CTCFL: variants seen among roughly 807,000 people sequenced by gnomAD.
CTCFL encodes CCCTC-binding factor like, also known as transcriptional repressor CTCFL.
CTCFL carries 36 observed loss-of-function variants against 67.4 expected under a neutral mutation model. The ratio of observed to expected loss-of-function variants is 0.53; its 90% CI spans 0.41 to 0.71. The LOEUF is 0.71. Ranked by LOEUF, CTCFL falls within the 30% of genes least tolerant of loss-of-function variation. The pLI is 0.00. For synonymous variants in CTCFL, 324 were observed against 302.3 expected (o/e 1.07, Z -0.75); for missense variants, 786 against 835.2 (o/e 0.94, Z 0.73).
intron 5 of CTCFL, among the ~76,000 whole-genome samples, chr20:57,517,194 T>C (rs2068988738): frequency 6.6e-6 from 1 of 151,432 alleles, no homozygotes; most frequent in Non-Finnish European, 1.5e-5. Flanking sequence ...TTGAGGAGGA[T>C]AAGTGGTGTG....
At chr20:57,507,458 G>A (rs1030106988) in intron 9 of CTCFL, 53 of 643,880 alleles carry the variant, frequency 8.2e-5, no homozygotes, top group Admixed American at 1.9e-4. Context: ...TTGGCCTCCC[G>A]AAGTACTGGG....
chr20:57,524,810 C>A lies in CTCFL; in HGVS notation c.-12+218G>T, dbSNP rs889247691. 2.0e-5 allele frequency: 19 copies of A among 961,082 alleles called. No individual in the cohort carries two copies. In the East Asian group the frequency reaches 1.5e-3, roughly 74 times the overall value. 59.5% of individuals were successfully genotyped at this position (961,082 alleles called of 1,614,324 possible). The stretch of plus-strand genomic sequence containing the variant: ...AGCCCACCCAGACTTGGCCAAGCAG[C>A]CCTCGGCCAGACCAAGCACACTCCC... On this transcript the variant is annotated intron_variant, in intron 1 of 10. Coordinates refer to ENST00000243914, the MANE Select transcript of CTCFL (RefSeq NM_001386993.1).
intron 9 of CTCFL, 84 bp from the exon 10 acceptor site, chr20:57,503,685 T>A (rs767101221): frequency 1.9e-5 from 28 of 1,454,282 alleles, no homozygotes; most frequent in Non-Finnish European, 2.4e-5. Flanking sequence ...ACCCCACGCA[T>A]GGAAAGAAAG....
intron 3 of CTCFL, 85 bp downstream of exon 3, chr20:57,522,983 A>T: frequency 9.1e-7 from 1 of 1,094,642 alleles, no homozygotes; most frequent in Non-Finnish European, 1.3e-6. Context: ...TCAACCACTT[A>T]AAACTTCAAT....
chr20:57,523,302 T>C, intron 2 of CTCFL, 24 bp from the exon 3 acceptor site: 1 of 1,591,140 alleles, frequency 6.3e-7, no homozygotes, highest in Non-Finnish European at 8.6e-7. Flanking sequence ...AATATTCAAA[T>C]ATGATACTAT....
intron 1 of CTCFL, chr20:57,524,739 A>C: frequency 1.0e-6 from 1 of 989,192 alleles, no homozygotes; most frequent in Non-Finnish European, 1.2e-6. Flanking sequence ...ACGGTTCTAG[A>C]CCTAGCACCC....
At position 57,498,145 on chromosome 20, in the gene CTCFL, C is replaced by T. The variant is rs1210955360; in HGVS notation, c.*405G>A. The T allele has an allele frequency of 1.0e-6, 1 of 987,460 alleles. No individual in the cohort carries two copies. The highest frequency in any genetic ancestry group is 1.2e-6 in the Non-Finnish European group (1 of 831,428). The allele number at this position is 987,460 out of a possible 1,614,324, so 61.2% of individuals were successfully genotyped here. On this transcript the variant is annotated 3_prime_UTR_variant, in exon 11 of 11. Transcript: ENST00000243914. The stretch of plus-strand genomic sequence containing the variant: ...CCAGCTTTGACTGTGGAAGCACTAG[C>T]TGGTCTAGACTATTTTGAAATATCC...
rs1006842499 is a variant in CTCFL at position 57,503,528 on chromosome 20, C to T, written c.1748G>A (p.Arg583Lys). The change falls in exon 10 of 11, where the codon AGA (arginine) becomes AAA (lysine). Residue 583 changes from arginine (R) to lysine (K), a missense_variant. By Grantham distance (26) the Arg-to-Lys change is conservative (BLOSUM62 2). Around this residue, in one of 3 missense-constraint regions of CTCFL, gnomAD observed 199 missense variants for 196.7 expected, o/e 1.01. Transcript: ENST00000243914. ...AKSAASGKGR[R>K]TRKRKQTILK... is the part of the protein sequence containing the mutation. ...GATGGTCTGCTTCCTCTTTCTTGTT[C>T]TTCTTCCCTTTCCTGAAGCAGCCGA... 1.9e-6 allele frequency: 3 copies of T among 1,614,050 alleles called. No individual in the cohort carries two copies. The highest frequency in any genetic ancestry group is 1.7e-5 in the Admixed American group (1 of 59,998).
rs1336539016 is a variant in CTCFL, at chr20:57,519,298, A to G, written c.834T>C (p.Thr278=). ...ACAGGTGAGGCTTCTCACTGGTGTGAGTTTTCATATGACGATTAAAACTTG... is the reference window on the plus strand; with the variant it reads ...ACAGGTGAGGCTTCTCACTGGTGTGGGTTTTCATATGACGATTAAAACTTG... ...RMSSFNRHMK[T]HTSEKPHLCH... Residue 278 remains threonine (T), a synonymous_variant, in exon 4 of 11, where the codon ACT becomes ACC. Coordinates refer to ENST00000243914, the MANE Select transcript of CTCFL (RefSeq NM_001386993.1). 2 of 1,614,024 alleles carry G rather than the reference A, an allele frequency of 1.2e-6. No homozygotes were observed. Among genetic ancestry groups the G allele is most frequent in the Non-Finnish European group, 1.7e-6 (2 of 1,180,026 alleles).
chr20:57,498,461 G>C lies in CTCFL; in HGVS notation c.*89C>G. On this transcript the variant is annotated 3_prime_UTR_variant, in exon 11 of 11. Transcript: ENST00000243914. The stretch of plus-strand genomic sequence containing the variant: ...CCTGACTCTCTCTCACTTATCCATC[G>C]TGTTGAGGAGCATTTCACACCTTAA... The C allele has an allele frequency of 6.6e-7, 1 of 1,523,434 alleles. No individual in the cohort carries two copies. The highest frequency in any genetic ancestry group is 2.4e-4 in the Middle Eastern group (1 of 4,214). The allele number at this position is 1,523,434 out of a possible 1,614,324, so 94.4% of individuals were successfully genotyped here.
At chr20:57,523,396 T>C (rs2069545255) in intron 2 of CTCFL, 118 bp from the exon 3 acceptor site, 2 of 1,060,826 alleles carry the variant, frequency 1.9e-6, no homozygotes, top group South Asian at 3.2e-5. Flanking sequence ...TGCATCACAA[T>C]GTTAATTATT....
chr20:57,506,138 T>A (rs2146313960), intron 9 of CTCFL, among the ~76,000 whole-genome samples: 1 of 152,316 alleles, frequency 6.6e-6, no homozygotes, highest in South Asian at 2.1e-4. Context: ...CACAGCCATG[T>A]CTATTCATTT....
chr20:57,501,584 A>G (rs2067919632), intron 10 of CTCFL, among the ~76,000 whole-genome samples: 1 of 152,228 alleles, frequency 6.6e-6, no homozygotes, highest in Admixed American at 6.5e-5. Flanking sequence ...CTTGATACCC[A>G]TCAGTGAGAC....
chr20:57,515,969 GA>G (rs1181324730), intron 5 of CTCFL, 135 bp from the exon 6 acceptor site: 2 of 982,372 alleles, frequency 2.0e-6, no homozygotes, highest in South Asian at 3.4e-5. Context: ...TTCACTCACT[GA>G]AAAAACATGA....
intron 5 of CTCFL, among the ~76,000 whole-genome samples, chr20:57,516,932 G>A (rs763316003): frequency 4.6e-5 from 7 of 152,186 alleles, no homozygotes; most frequent in Non-Finnish European, 8.8e-5. Flanking sequence ...TCAGCTACAC[G>A]TGGACTACAG....
chr20:57,508,886 A>G, intron 8 of CTCFL, 98 bp from the exon 9 acceptor site: 1 of 1,103,270 alleles, frequency 9.1e-7, no homozygotes, highest in Non-Finnish European at 1.3e-6. Context: ...TCCCTCCCCA[A>G]AGATGAGTCC....
At chr20:57,503,647 C>T (rs942471497) in intron 9 of CTCFL, 46 bp from the exon 10 acceptor site, 2 of 1,604,098 alleles carry the variant, frequency 1.2e-6, no homozygotes, top group East Asian at 2.2e-5. Context: ...TGAGATGGGG[C>T]AGGGACCCCT....
chr20:57,501,068 C>G (rs1453136692), intron 10 of CTCFL, among the ~76,000 whole-genome samples: 1 of 152,178 alleles, frequency 6.6e-6, no homozygotes, highest in Non-Finnish European at 1.5e-5. Context: ...TTTCACCGGT[C>G]TGTCTTCTCC....
In CTCFL at chr20:57,510,456, T is replaced by C. The variant is rs56406520; in HGVS notation, c.1492-1668A>G. Reference sequence around the variant, plus strand: ...AATGTCTGTCTTAATAGATAAGGTTTCCAGTTAAAATACAGGCTGCAACTA... The same window carrying C: ...AATGTCTGTCTTAATAGATAAGGTTCCCAGTTAAAATACAGGCTGCAACTA... On this transcript the variant is annotated intron_variant, in intron 8 of 10. Transcript: ENST00000243914. 2.1e-3 allele frequency among the ~76,000 whole-genome samples: 325 copies of C among 152,356 alleles called. 2 individuals carry two copies. Among genetic ancestry groups the C allele is most frequent in the African/African-American group, 7.5e-3 (314 of 41,590 alleles).
Sources: allele counts gnomAD v4.1 joint callset (sites outside exome capture counted in the v4.1 genomes callset), GRCh38; gene constraint gnomAD v4.1.1; regional missense constraint gnomAD v4.1.1; transcripts MANE v1.5; gene names NCBI Gene and HGNC (gene_info 2026-07-23, HGNC 2026-07-21).